Variants in CNOT9 observed in about 807,000 individuals in gnomAD.
CNOT9 encodes the protein CCR4-NOT transcription complex subunit 9.
A neutral mutation model predicts 37.4 loss-of-function variants in CNOT9; 8 were observed. The observed-to-expected ratio is 0.21, with a 90% CI of 0.13 to 0.39. The LOEUF is 0.39. Ranked by LOEUF, CNOT9 falls within the 10% of genes least tolerant of loss-of-function variation. CNOT9 has a pLI of 1.00. For synonymous variants in CNOT9, 120 were observed against 137.6 expected, an observed-to-expected ratio of 0.87 and a Z score of 0.90; for missense variants, 154 against 365.3, an observed-to-expected ratio of 0.42 and a Z score of 4.71.
chr2:218,581,260 C>G (rs1431036389), intron 2 of CNOT9: 2 of 196,990 alleles, frequency 1.0e-5, no homozygotes, highest in African/African-American at 4.7e-5. Context: ...CCTCTGCCTC[C>G]CGGGTTGAAG....
intron 1 of CNOT9, among the ~76,000 whole-genome samples, chr2:218,572,033 A>G (rs992928293): frequency 2.0e-5 from 3 of 152,058 alleles, no homozygotes; most frequent in Non-Finnish European, 4.4e-5. Flanking sequence ...AAGAATAACA[A>G]AATGCGGCCG....
intron 1 of CNOT9, among the ~76,000 whole-genome samples, chr2:218,569,935 C>A (rs1055705508): frequency 5.3e-4 from 81 of 152,154 alleles, no homozygotes; most frequent in African/African-American, 1.9e-3. Flanking sequence ...AAATTAGTTC[C>A]GCAGCCTCTA....
At chr2:218,584,528 A>C (rs1694526412) in intron 3 of CNOT9, 84 bp from the exon 4 acceptor site, 1 of 962,120 alleles carries the variant, frequency 1.0e-6, no homozygotes, top group South Asian at 1.3e-5. Flanking sequence ...AAGGCCTTAC[A>C]GAATTAACCA....
chr2:218,576,796 C>T (rs1294585706), intron 1 of CNOT9, among the ~76,000 whole-genome samples: 4 of 152,048 alleles, frequency 2.6e-5, no homozygotes, highest in Non-Finnish European at 4.4e-5. Flanking sequence ...GGGAAGGTCC[C>T]ATCTCTGCTA....
chr2:218,592,541 T>A lies in CNOT9; in HGVS notation c.640-75T>A. The A allele has an allele frequency of 6.6e-7, 1 of 1,524,162 alleles. No individual in the cohort carries two copies. The highest frequency in any genetic ancestry group is 9.1e-7 in the Non-Finnish European group (1 of 1,098,002). The allele number at this position is 1,524,162 out of a possible 1,614,324, so 94.4% of individuals were successfully genotyped here. Reference sequence around the variant, plus strand: ...CTTTTATGATTCTTGGACTATCTGATCTCTGATGTCAATTAGAATTTGTTT... The same window carrying A: ...CTTTTATGATTCTTGGACTATCTGAACTCTGATGTCAATTAGAATTTGTTT... On this transcript the variant is annotated intron_variant, in intron 6 of 7. Coordinates refer to ENST00000273064, the MANE Select transcript of CNOT9 (RefSeq NM_005444.3). This position sits in a 1 kb window ranked among gnomAD's most constrained non-coding sequence, Gnocchi z 4.1.
At chr2:218,580,990 C>A in intron 2 of CNOT9, 1 of 577,836 alleles carries the variant, frequency 1.7e-6, no homozygotes, top group Non-Finnish European at 3.3e-6. Context: ...TTTCACCTCC[C>A]CCAGGTGATT....
chr2:218,569,655 GT>G (rs1693895188), intron 1 of CNOT9, among the ~76,000 whole-genome samples: 2 of 152,110 alleles, frequency 1.3e-5, no homozygotes, highest in Non-Finnish European at 2.9e-5. Flanking sequence ...TTATAATCTC[GT>G]TTTATGTCTC....
chr2:218,587,629 A>G lies in CNOT9; in HGVS notation c.474A>G (p.Leu158=), dbSNP rs779997886. ...KTDEQEVINF[L]LTTEIIPLCL... ...ATGAACAAGAAGTAATCAACTTTTTATTAACAACAGAAATTATCCCTTTAT... is the reference window on the plus strand; with the variant it reads ...ATGAACAAGAAGTAATCAACTTTTTGTTAACAACAGAAATTATCCCTTTAT... Residue 158 remains leucine (L), a synonymous_variant, in exon 5 of 8, where the codon TTA becomes TTG. Transcript: ENST00000273064. The G allele has an allele frequency of 6.2e-7, 1 of 1,609,504 alleles. No homozygotes were observed. The highest frequency in any genetic ancestry group is 1.1e-5 in the South Asian group (1 of 89,936).
intron 1 of CNOT9, among the ~76,000 whole-genome samples, chr2:218,570,262 T>C (rs17572883): frequency 0.017 from 2,617 of 152,310 alleles, 31 homozygotes; most frequent in Non-Finnish European, 0.028. Flanking sequence ...AGGAAAGTAA[T>C]GTACTGAAAT....
At position 218,583,229 on chromosome 2, in the gene CNOT9, GTGTGTCTCTCTC is replaced by G. The variant is rs1349081151; in HGVS notation, c.320+145_320+156del. 670 of 89,916 alleles carry G rather than the reference GTGTGTCTCTCTC, an allele frequency of 7.5e-3. 2 individuals carry two copies. The highest frequency in any genetic ancestry group is 0.032 in the Admixed American group (200 of 6,348). 5.6% of individuals were successfully genotyped at this position (89,916 alleles called of 1,614,324 possible). A position where few individuals can be genotyped will look rare whatever the true frequency, so the allele number is the denominator to read the frequency against. On this transcript the variant is annotated intron_variant, in intron 3 of 7. Coordinates refer to ENST00000273064, the MANE Select transcript of CNOT9 (RefSeq NM_005444.3). ...TGTGTGTGTGTGTGTGTGTGTGTGT[GTGTGTCTCTCTC>G]TCTCTCTCTCTCTCTCTCTCTCTCT... is the stretch of plus-strand genomic sequence containing the variant.
rs1202390235 is a variant in CNOT9, at chr2:218,568,903, G to A, written c.-52G>A. On this transcript the variant is annotated 5_prime_UTR_variant, in exon 1 of 8. Coordinates refer to ENST00000273064, the MANE Select transcript of CNOT9 (RefSeq NM_005444.3). Reference sequence around the variant, plus strand: ...TCCGCTGCAGGGGTGCTGAAGGGGGGACGCGGGTCGGACGCGTCCGGCTGT... The same window carrying A: ...TCCGCTGCAGGGGTGCTGAAGGGGGAACGCGGGTCGGACGCGTCCGGCTGT... 1.9e-6 allele frequency: 3 copies of A among 1,589,242 alleles called. No homozygotes were observed. Among genetic ancestry groups the A allele is most frequent in the Admixed American group, 1.8e-5 (1 of 56,024 alleles).
In CNOT9 at chr2:218,594,328, A is replaced by T. The variant is rs1375704144; in HGVS notation, c.*52A>T. On this transcript the variant is annotated 3_prime_UTR_variant, in exon 8 of 8. Transcript: ENST00000273064. Reference sequence around the variant, plus strand: ...CCCCAAGTTGGGGAAAGGAGGGGGAACCTACGAGAAAAACAGCTCAGGTTT... The same window carrying T: ...CCCCAAGTTGGGGAAAGGAGGGGGATCCTACGAGAAAAACAGCTCAGGTTT... 1.3e-6 allele frequency: 2 copies of T among 1,536,930 alleles called. No individual in the cohort carries two copies. The highest frequency in any genetic ancestry group is 4.8e-5 in the East Asian group (2 of 41,354).
Position 218,580,647 on chromosome 2 carries a change from T to C in CNOT9, c.111T>C (p.Asn37=), listed in dbSNP as rs1694342654. The C allele has an allele frequency of 6.2e-7, 1 of 1,614,072 alleles. No individual in the cohort carries two copies. The highest frequency in any genetic ancestry group is 8.5e-7 in the Non-Finnish European group (1 of 1,179,936). Residue 37 remains asparagine (N), a synonymous_variant, in exon 2 of 8, where the codon AAT becomes AAC. Coordinates refer to ENST00000273064, the MANE Select transcript of CNOT9 (RefSeq NM_005444.3). ...TGTCCAGTCCTGAGACTAGGGAAAA[T>C]GCTTTGCTGGAGCTAAGTAAGAAGC... The part of the protein sequence containing the change: ...NELSSPETRE[N]ALLELSKKRE...
At chr2:218,583,539 A>C (rs1175985370) in intron 3 of CNOT9, among the ~76,000 whole-genome samples, 1 of 152,142 alleles carries the variant, frequency 6.6e-6, no homozygotes, top group Non-Finnish European at 1.5e-5. Flanking sequence ...GGCCTCTATA[A>C]TAGACGAGAA....
chr2:218,591,906 C>T (rs1694790061), intron 5 of CNOT9, among the ~76,000 whole-genome samples: 2 of 151,986 alleles, frequency 1.3e-5, no homozygotes, highest in South Asian at 4.1e-4. Flanking sequence ...TCACTTGGGA[C>T]CTTAACCTGG....
At chr2:218,579,796 G>GCAT (rs1389552399) in intron 1 of CNOT9, among the ~76,000 whole-genome samples, 1 of 150,358 alleles carries the variant, frequency 6.7e-6, no homozygotes, top group Non-Finnish European at 1.5e-5. Context: ...CCAGTTTTCT[G>GCAT]CATTTATTTA....
At chr2:218,571,758 T>C (rs2106076823) in intron 1 of CNOT9, among the ~76,000 whole-genome samples, 1 of 115,096 alleles carries the variant, frequency 8.7e-6, no homozygotes, top group East Asian at 2.6e-4. Flanking sequence ...TTTTTTTTTG[T>C]ATTTTTAGTA....
intron 1 of CNOT9, among the ~76,000 whole-genome samples, chr2:218,575,658 C>G (rs1694141912): frequency 6.6e-6 from 1 of 152,170 alleles, no homozygotes; most frequent in African/African-American, 2.4e-5. Context: ...CCACCTCGGC[C>G]TCCCAAAGTG....
chr2:218,594,101 G>T lies in CNOT9; in HGVS notation c.732-7G>T. The T allele has an allele frequency of 6.2e-7, 1 of 1,614,068 alleles. No homozygotes were observed. The highest frequency in any genetic ancestry group is 8.5e-7 in the Non-Finnish European group (1 of 1,179,934). On this transcript the variant is annotated splice_polypyrimidine_tract_variant and splice_region_variant and intron_variant, in intron 7 of 7. Transcript: ENST00000273064. ...CTCCCTGGTTGGTTTGTTTGTTTCT[G>T]ATGTAGGGCACGTGAAGCACTCAGA...
Sources: allele counts gnomAD v4.1 joint callset (sites outside exome capture counted in the v4.1 genomes callset), GRCh38; gene constraint gnomAD v4.1.1; non-coding constraint Gnocchi (gnomAD v3.1); transcripts MANE v1.5; gene names NCBI Gene and HGNC (gene_info 2026-07-23, HGNC 2026-07-21).